The following HECW2 variants were observed in gnomAD, a reference collection of about 807,000 sequenced individuals.
HECW2 encodes E3 ubiquitin-protein ligase HECW2.
HECW2 carries 61 observed loss-of-function variants against 175.2 expected under a neutral mutation model. The observed-to-expected ratio is 0.35, with a 90% CI of 0.28 to 0.43. The LOEUF (loss-of-function observed/expected upper bound fraction) is 0.43. Among genes scored for constraint, HECW2 ranks in the 20% least tolerant of loss-of-function variants. HECW2 has a pLI of 1.00. For missense variants in HECW2, 1,524 were observed against 2,000.5 expected (o/e 0.76, Z 4.54); for synonymous variants, 671 against 731.0 (o/e 0.92, Z 1.32).
intron 17 of HECW2, among the ~76,000 whole-genome samples, chr2:196,262,506 T>G (rs575681820): frequency 4.9e-4 from 74 of 152,290 alleles, no homozygotes; most frequent in Non-Finnish European, 7.5e-4. Flanking sequence ...ATTTGGCTAG[T>G]GAGGTACAAC....
Position 196,407,172 on chromosome 2 carries a change from T to C in HECW2, c.292+25960A>G, listed in dbSNP as rs574668795. 1.2e-4 allele frequency among the ~76,000 whole-genome samples: 18 copies of C among 152,032 alleles called. 2 individuals carry two copies. In the South Asian group the frequency reaches 2.9e-3, roughly 25 times the overall value. Reference sequence around the variant, plus strand: ...TTACCTATTTGCAAAATAAAAATAATATACTTAGGTTTATGTGGCAGATAA... The same window carrying C: ...TTACCTATTTGCAAAATAAAAATAACATACTTAGGTTTATGTGGCAGATAA... On this transcript the variant is annotated intron_variant, in intron 2 of 28. Transcript: ENST00000644978.
Position 196,329,614 on chromosome 2 carries a change from T to G in HECW2, c.532A>C (p.Asn178His). ...CTAACAAGTTTTCGAGAATGCAGGT[T>G]TCCTGAAGCACCTCCCTCCATGCCT... ...AEGMEGGASG[N>H]LHSRKLVSFT... Residue 178 changes from asparagine to histidine, a missense_variant, in exon 5 of 29, where the codon AAC becomes CAC. By Grantham distance (68) the Asn-to-His change is moderately conservative. Transcript: ENST00000644978. The G allele has an allele frequency of 5.0e-6, 8 of 1,613,754 alleles. No homozygotes were observed. Among genetic ancestry groups the G allele is most frequent in the Non-Finnish European group, 6.8e-6 (8 of 1,179,698 alleles).
chr2:196,443,936 G>T (rs191316436), intron 1 of HECW2, among the ~76,000 whole-genome samples: 2 of 152,212 alleles, frequency 1.3e-5, no homozygotes, highest in Non-Finnish European at 2.9e-5. Context: ...TTGGGAGGCT[G>T]AAGTGGGAGG....
At chr2:196,592,719 A>G (rs1198633780) in intron 1 of HECW2, 2 of 152,184 alleles carry the variant, frequency 1.3e-5, no homozygotes, top group African/African-American at 4.8e-5. Context: ...AAGGGAGGAA[A>G]AACAAAGCCA....
In HECW2 at chr2:196,210,790, T is replaced by A. The variant is rs184482415; in HGVS notation, c.4607+5075A>T. On this transcript the variant is annotated intron_variant, in intron 28 of 28. Coordinates refer to ENST00000644978, the MANE Select transcript of HECW2 (RefSeq NM_001348768.2). The stretch of plus-strand genomic sequence containing the variant: ...CACCATGCCTGGCTAATTTTTGTAT[T>A]TTTTTTTTTTTAAGTAGAGATGGGG... Among the ~76,000 whole-genome samples the A allele has an allele frequency of 4.0e-4, 57 of 142,866 alleles. No homozygotes were observed. The Middle Eastern group carries it at 0.01, about 26-fold the overall frequency. 93.7% of individuals were successfully genotyped at this position (142,866 alleles called of 152,430 possible). A position where few individuals can be genotyped will look rare whatever the true frequency, so the allele number is the denominator to read the frequency against.
At chr2:196,215,274 C>T (rs1351631882) in intron 28 of HECW2, among the ~76,000 whole-genome samples, 1 of 152,228 alleles carries the variant, frequency 6.6e-6, no homozygotes, top group African/African-American at 2.4e-5. Flanking sequence ...GCACATCTCA[C>T]ATATGTGCAT....
intron 1 of HECW2, among the ~76,000 whole-genome samples, chr2:196,576,223 C>G (rs1031616764): frequency 2.6e-5 from 4 of 152,062 alleles, no homozygotes; most frequent in Admixed American, 6.6e-5. Flanking sequence ...TACCATATAG[C>G]CTAAGTGTGT....
intron 13 of HECW2, among the ~76,000 whole-genome samples, chr2:196,304,905 A>G (rs1387069515): frequency 6.6e-6 from 1 of 152,202 alleles, no homozygotes; most frequent in African/African-American, 2.4e-5. Flanking sequence ...AATTATCAAG[A>G]CAGACTTGCA....
At chr2:196,359,944 A>G (rs1396519158) in intron 2 of HECW2, among the ~76,000 whole-genome samples, 1 of 152,086 alleles carries the variant, frequency 6.6e-6, no homozygotes, top group East Asian at 1.9e-4. Flanking sequence ...TCTACAAATA[A>G]TTTTTTACAA....
chr2:196,520,864 A>G (rs1688341485), intron 1 of HECW2, among the ~76,000 whole-genome samples: 1 of 152,250 alleles, frequency 6.6e-6, no homozygotes, highest in African/African-American at 2.4e-5. Flanking sequence ...CGCAAGAAGA[A>G]TAACTCACCA....
At chr2:196,556,945 T>C (rs193002751) in intron 1 of HECW2, among the ~76,000 whole-genome samples, 28 of 152,316 alleles carry the variant, frequency 1.8e-4, no homozygotes, top group African/African-American at 6.7e-4. Context: ...GAGATTTCTA[T>C]AAATAACTAA....
intron 1 of HECW2, among the ~76,000 whole-genome samples, chr2:196,520,237 G>T (rs1364091010): frequency 1.3e-5 from 2 of 150,422 alleles, no homozygotes; most frequent in African/African-American, 2.5e-5. Context: ...TATTATATTT[G>T]CAATTTTTCT....
At chr2:196,389,526 C>G (rs888142479) in intron 2 of HECW2, among the ~76,000 whole-genome samples, 6 of 152,180 alleles carry the variant, frequency 3.9e-5, no homozygotes, top group Admixed American at 3.3e-4. Context: ...AACCCAGGAA[C>G]ACTTTATAAC....
chr2:196,542,481 CAT>C (rs1689257497), intron 1 of HECW2, among the ~76,000 whole-genome samples: 1 of 152,024 alleles, frequency 6.6e-6, no homozygotes, highest in African/African-American at 2.4e-5. Context: ...GGAAATTGCT[CAT>C]AGCATAATTT....
intron 2 of HECW2, among the ~76,000 whole-genome samples, chr2:196,382,029 T>C (rs1368664781): frequency 1.3e-5 from 2 of 152,124 alleles, no homozygotes. Context: ...TGTGCACATA[T>C]ATAAGAATGG....
chr2:196,216,923 G>C (rs1326447464), intron 27 of HECW2, 85 bp downstream of exon 27: 3 of 898,090 alleles, frequency 3.3e-6, no homozygotes, highest in Non-Finnish European at 5.0e-6. Flanking sequence ...TGTGTTTATG[G>C]AGAATAGTTA....
intron 1 of HECW2, among the ~76,000 whole-genome samples, chr2:196,531,104 C>T (rs969558453): frequency 3.3e-5 from 5 of 152,152 alleles, no homozygotes; most frequent in South Asian, 2.1e-4. Context: ...TGTCATTTTA[C>T]GCACTGTGGT....
chr2:196,581,137 C>T (rs1034219975), intron 1 of HECW2, among the ~76,000 whole-genome samples: 4 of 152,062 alleles, frequency 2.6e-5, no homozygotes, highest in South Asian at 2.1e-4. Context: ...GCAGGAAAAA[C>T]GGGAAATAAC....
At chr2:196,251,998 A>C (rs1432797692) in intron 19 of HECW2, among the ~76,000 whole-genome samples, 1 of 151,928 alleles carries the variant, frequency 6.6e-6, no homozygotes, top group Non-Finnish European at 1.5e-5. Context: ...TAGGAGTTTG[A>C]GACCAGCCTG....
Sources: gnomAD v4.1 joint callset for allele counts (sites outside exome capture counted in the v4.1 genomes callset) on GRCh38, gnomAD v4.1.1 for gene constraint, MANE v1.5 for transcripts, NCBI Gene and HGNC (gene_info 2026-07-23, HGNC 2026-07-21) for gene names.